Variants in CAMK2A observed in about 807,000 individuals in gnomAD.
CAMK2A encodes the protein calcium/calmodulin dependent protein kinase II alpha, also known as calcium/calmodulin-dependent protein kinase type II subunit alpha.
In CAMK2A, 7 loss-of-function variants were observed where a neutral mutation model predicts 79.2. The ratio of observed to expected loss-of-function variants is 0.09; its 90% CI spans 0.05 to 0.17. The LOEUF is 0.17. Among genes scored for constraint, CAMK2A ranks in the 10% least tolerant of loss-of-function variants. The pLI is 1.00. For missense variants in CAMK2A, 214 were observed against 646.4 expected, an observed-to-expected ratio of 0.33 and a Z score of 7.25; for synonymous variants, 242 against 251.7, an observed-to-expected ratio of 0.96 and a Z score of 0.36.
intron 17 of CAMK2A, among the ~76,000 whole-genome samples, chr5:150,227,064 G>A (rs944710261): frequency 2.6e-5 from 4 of 152,012 alleles, no homozygotes; most frequent in Admixed American, 2.6e-4. Context: ...GAGCCACCGC[G>A]CCCGGCTATA....
intron 17 of CAMK2A, among the ~76,000 whole-genome samples, chr5:150,227,362 G>C (rs887207089): frequency 6.6e-6 from 1 of 152,204 alleles, no homozygotes; most frequent in African/African-American, 2.4e-5. Flanking sequence ...CTCTCTCACT[G>C]TGCAAACCCA....
chr5:150,264,929 G>A (rs1361593141), intron 3 of CAMK2A, 27 bp downstream of exon 3: 1 of 1,605,158 alleles, frequency 6.2e-7, no homozygotes, highest in South Asian at 1.1e-5. Flanking sequence ...TGGCTCCCCT[G>A]CGCCCCTCTC....
intron 3 of CAMK2A, among the ~76,000 whole-genome samples, chr5:150,260,771 A>G (rs1235848864): frequency 6.6e-6 from 1 of 152,242 alleles, no homozygotes; most frequent in African/African-American, 2.4e-5. Context: ...TTTAAAAAGT[A>G]TTTGTCTTCT....
chr5:150,272,608 A>T (rs1208298456), intron 2 of CAMK2A, among the ~76,000 whole-genome samples: 1 of 151,672 alleles, frequency 6.6e-6, no homozygotes, highest in African/African-American at 2.4e-5. Context: ...GAGACAGAAA[A>T]TGGAGGAGGC....
intron 11 of CAMK2A, among the ~76,000 whole-genome samples, chr5:150,248,432 C>T (rs1755672999): frequency 6.6e-6 from 1 of 151,246 alleles, no homozygotes; most frequent in Non-Finnish European, 1.5e-5. Context: ...GTGTGCTGCA[C>T]CCATTAACTC....
chr5:150,221,941 T>A lies in CAMK2A; in HGVS notation c.*769A>T, dbSNP rs1211889837. ...AGGCATGCGGTCCAAGTAGAAGTGATACCTAAACGTTGCTTTCTTTTGCCC... is the reference window on the plus strand; with the variant it reads ...AGGCATGCGGTCCAAGTAGAAGTGAAACCTAAACGTTGCTTTCTTTTGCCC... On this transcript the variant is annotated 3_prime_UTR_variant, in exon 19 of 19. Coordinates refer to ENST00000671881, the MANE Select transcript of CAMK2A (RefSeq NM_015981.4). 4.3e-6 allele frequency: 1 copy of A among 232,810 alleles called. No individual in the cohort carries two copies. The highest frequency in any genetic ancestry group is 8.3e-6 in the Non-Finnish European group (1 of 120,272). 14.4% of individuals were successfully genotyped at this position (232,810 alleles called of 1,614,324 possible).
At position 150,234,283 on chromosome 5, in the gene CAMK2A, G is replaced by A. The variant is rs1754972563; in HGVS notation, c.1067-2903C>T. 2.0e-5 allele frequency among the ~76,000 whole-genome samples: 3 copies of A among 152,286 alleles called. No homozygotes were observed. In the South Asian group the frequency reaches 6.2e-4, roughly 32 times the overall value. On this transcript the variant is annotated intron_variant, in intron 15 of 18. Transcript: ENST00000671881. ...CTGTGCTCAATGCCTGTTTCCTGAG[G>A]TCTGCTTCTCCCTGCCATCTCAGAG...
intron 3 of CAMK2A, 89 bp from the exon 4 acceptor site, chr5:150,257,706 AC>A: frequency 8.9e-6 from 9 of 1,015,970 alleles, no homozygotes; most frequent in Non-Finnish European, 7.5e-6. Flanking sequence ...TATATCCAAC[AC>A]CCCCCGCTCC....
At chr5:150,277,731 A>G (rs538063642) in intron 1 of CAMK2A, among the ~76,000 whole-genome samples, 1 of 152,328 alleles carries the variant, frequency 6.6e-6, no homozygotes, top group African/African-American at 2.4e-5. Flanking sequence ...GGAGTTTCTC[A>G]AAACAAGTTT....
chr5:150,269,633 C>T (rs1295531514), intron 2 of CAMK2A, among the ~76,000 whole-genome samples: 4 of 152,232 alleles, frequency 2.6e-5, no homozygotes, highest in South Asian at 2.1e-4. Context: ...GGATTAAAGA[C>T]GTGAGCCACC....
Position 150,266,068 on chromosome 5 carries a change from T to A in CAMK2A, c.158-1053A>T, listed in dbSNP as rs532192688. ...GTTGATTCCCAGAAGCCACCTCCCTTTCAGGAGACTCTGGGACCAGGGACA... is the reference window on the plus strand; with the variant it reads ...GTTGATTCCCAGAAGCCACCTCCCTATCAGGAGACTCTGGGACCAGGGACA... On this transcript the variant is annotated intron_variant, in intron 2 of 18. Coordinates refer to ENST00000671881, the MANE Select transcript of CAMK2A (RefSeq NM_015981.4). 2.6e-5 allele frequency among the ~76,000 whole-genome samples: 4 copies of A among 152,272 alleles called. No individual in the cohort carries two copies. The South Asian group carries it at 8.3e-4, about 32-fold the overall frequency.
At chr5:150,225,396 G>A (rs1009312051) in intron 17 of CAMK2A, among the ~76,000 whole-genome samples, 1 of 152,238 alleles carries the variant, frequency 6.6e-6, no homozygotes, top group Non-Finnish European at 1.5e-5. Context: ...CCGGGAATGA[G>A]CACTTACTCT....
At chr5:150,248,474 A>C in intron 11 of CAMK2A, among the ~76,000 whole-genome samples, 1 of 131,910 alleles carries the variant, frequency 7.6e-6, no homozygotes, top group African/African-American at 2.8e-5. Context: ...TCCTAATGCT[A>C]TCCCTCCCCC....
At chr5:150,253,148 C>A (rs560479449) in intron 7 of CAMK2A, among the ~76,000 whole-genome samples, 6 of 152,214 alleles carry the variant, frequency 3.9e-5, no homozygotes, top group Non-Finnish European at 8.8e-5. Context: ...AGGCCTTCAA[C>A]CACAGGGAGC....
At chr5:150,257,687 C>G in intron 3 of CAMK2A, 70 bp from the exon 4 acceptor site, 2 of 1,258,194 alleles carry the variant, frequency 1.6e-6, no homozygotes, top group Non-Finnish European at 2.3e-6. Context: ...CCCTCTCTCC[C>G]CTCCCGTGTA....
intron 17 of CAMK2A, among the ~76,000 whole-genome samples, chr5:150,227,448 A>G (rs962700995): frequency 1.2e-4 from 18 of 152,082 alleles, no homozygotes; most frequent in Non-Finnish European, 2.2e-4. Context: ...GATTTGGGGG[A>G]CCCTGAATAT....
intron 11 of CAMK2A, 42 bp downstream of exon 11, chr5:150,250,184 C>A (rs1466856339): frequency 1.5e-5 from 21 of 1,447,976 alleles, no homozygotes; most frequent in Non-Finnish European, 1.9e-5. Context: ...CCAGGCAGAG[C>A]TAGTCCCATG....
rs1754446070 is a variant in CAMK2A, at chr5:150,223,424, A to T, written c.1238-207T>A. Among the ~76,000 whole-genome samples, 1 of 152,184 alleles carries T rather than the reference A, an allele frequency of 6.6e-6. No individual in the cohort carries two copies. Among genetic ancestry groups the T allele is most frequent in the South Asian group, 2.1e-4 (1 of 4,832 alleles). ...GGGGACATCACATCCTAGTTTAGATACAGTGGAGTTCAGACATGCAGAATT... is the reference window on the plus strand; with the variant it reads ...GGGGACATCACATCCTAGTTTAGATTCAGTGGAGTTCAGACATGCAGAATT... On this transcript the variant is annotated intron_variant, in intron 17 of 18. Coordinates refer to ENST00000671881, the MANE Select transcript of CAMK2A (RefSeq NM_015981.4). This position sits in a 1 kb window ranked among gnomAD's most constrained non-coding sequence, Gnocchi z 4.1.
rs1757332035 is a variant in CAMK2A at position 150,284,257 on chromosome 5, G to A, written c.62+5307C>T. Reference sequence around the variant, plus strand: ...CCATCTTGCTATCCCTGCACTGGGAGATGGACTCGTGCTCTATGCCCTGTC... The same window carrying A: ...CCATCTTGCTATCCCTGCACTGGGAAATGGACTCGTGCTCTATGCCCTGTC... On this transcript the variant is annotated intron_variant, in intron 1 of 18. Coordinates refer to ENST00000671881, the MANE Select transcript of CAMK2A (RefSeq NM_015981.4). This position sits in a 1 kb window ranked among gnomAD's most constrained non-coding sequence, Gnocchi z 5.3. Among the ~76,000 whole-genome samples, 1 of 152,134 alleles carries A rather than the reference G, an allele frequency of 6.6e-6. No individual in the cohort carries two copies. The highest frequency in any genetic ancestry group is 2.1e-4 in the South Asian group (1 of 4,830).
Sources: gnomAD v4.1 joint callset for allele counts (sites outside exome capture counted in the v4.1 genomes callset) on GRCh38, gnomAD v4.1.1 for gene constraint, Gnocchi (gnomAD v3.1) non-coding constraint, MANE v1.5 for transcripts, NCBI Gene and HGNC (gene_info 2026-07-23, HGNC 2026-07-21) for gene names.